The following FREM1 variants were observed in gnomAD, a reference collection of about 807,000 sequenced individuals.
The protein encoded by FREM1 is FRAS1 related extracellular matrix 1.
A neutral mutation model predicts 210.1 loss-of-function variants in FREM1; 220 were observed. The observed-to-expected ratio is 1.05, with a 90% CI of 0.94 to 1.17. FREM1 has a LOEUF of 1.17. FREM1 is among the 50% of genes most tolerant of loss of function. FREM1 has a pLI of 0.00. For synonymous variants in FREM1, 1,189 were observed against 980.2 expected (o/e 1.21, Z -3.98); for missense variants, 3,454 against 2,675.5 (o/e 1.29, Z -6.42).
chr9:14,838,230 C>T (rs968744541), intron 10 of FREM1, among the ~76,000 whole-genome samples: 5 of 152,116 alleles, frequency 3.3e-5, no homozygotes, highest in Admixed American at 6.5e-5. Flanking sequence ...TCCATTACAA[C>T]GTCAAAATAA....
intron 35 of FREM1, among the ~76,000 whole-genome samples, chr9:14,743,555 CT>C (rs1841921425): frequency 6.6e-6 from 1 of 152,158 alleles, no homozygotes; most frequent in South Asian, 2.1e-4. Flanking sequence ...TTTCTCAATA[CT>C]TACTGTCCTT....
intron 1 of FREM1, among the ~76,000 whole-genome samples, chr9:14,880,711 C>T (rs1834645307): frequency 6.6e-6 from 1 of 151,614 alleles, no homozygotes; most frequent in African/African-American, 2.4e-5. Flanking sequence ...TGTTTAAAGG[C>T]TTTTTAAATA....
chr9:14,861,575 C>T (rs1208808943), intron 3 of FREM1, among the ~76,000 whole-genome samples: 4 of 143,974 alleles, frequency 2.8e-5, no homozygotes, highest in South Asian at 2.1e-4. Flanking sequence ...GCTGTAATCT[C>T]GGCTCACCGC....
intron 1 of FREM1, among the ~76,000 whole-genome samples, chr9:14,877,359 T>C (rs982700287): frequency 6.6e-5 from 10 of 151,720 alleles, no homozygotes; most frequent in Non-Finnish European, 1.2e-4. Flanking sequence ...CAGTCTTCCT[T>C]ACCTTAATTA....
At chr9:14,809,483 C>G (rs986567130) in intron 16 of FREM1, among the ~76,000 whole-genome samples, 1 of 151,992 alleles carries the variant, frequency 6.6e-6, no homozygotes, top group Non-Finnish European at 1.5e-5. Flanking sequence ...CAAGGAAAAT[C>G]TAGAGATTAT....
chr9:14,807,451 A>G (rs1818578321), intron 17 of FREM1, among the ~76,000 whole-genome samples: 1 of 152,200 alleles, frequency 6.6e-6, no homozygotes, highest in African/African-American at 2.4e-5. Context: ...TCTGAGAGAC[A>G]GAACATATAC....
At chr9:14,810,671 T>C (rs1819238823) in intron 16 of FREM1, among the ~76,000 whole-genome samples, 1 of 152,210 alleles carries the variant, frequency 6.6e-6, no homozygotes, top group Admixed American at 6.5e-5. Flanking sequence ...AACATCTTTA[T>C]AATAACTTTC....
At chr9:14,842,922 G>A (rs1408908623) in intron 8 of FREM1, among the ~76,000 whole-genome samples, 2 of 152,190 alleles carry the variant, frequency 1.3e-5, no homozygotes, top group Non-Finnish European at 2.9e-5. Context: ...TAATACTACT[G>A]TGATGGTTTT....
At chr9:14,769,406 G>A (rs943880990) in intron 27 of FREM1, among the ~76,000 whole-genome samples, 21 of 152,158 alleles carry the variant, frequency 1.4e-4, no homozygotes, top group Non-Finnish European at 5.9e-5. Context: ...ACATGAACCT[G>A]CAAACTCAGT....
rs759962826 is a variant in FREM1, at chr9:14,750,181, C to T, written c.5503G>A (p.Ala1835Thr). ...FEVILNSPVN[A>T]VLGTKTKAAV... ...GCTTTTGTCTTTGTGCCAAGAACTG[C>T]ATTCACAGGGGAGTTCAGAATTACT... The change falls in exon 30 of 37, where the codon GCA (alanine) becomes ACA (threonine). Residue 1835 changes from alanine (A) to threonine (T), a missense_variant. Transcript: ENST00000380880. 5.0e-6 allele frequency: 8 copies of T among 1,613,692 alleles called. No homozygotes were observed. In the African/African-American group the frequency reaches 8.0e-5, roughly 16 times the overall value.
At chr9:14,767,904 C>T (rs773608055) in intron 27 of FREM1, among the ~76,000 whole-genome samples, 1 of 152,064 alleles carries the variant, frequency 6.6e-6, no homozygotes, top group Non-Finnish European at 1.5e-5. Flanking sequence ...GAACAAATTA[C>T]GTCAAGTTGA....
Position 14,769,822 on chromosome 9 carries a change from C to A in FREM1, c.5106G>T (p.Lys1702Asn). The A allele has an allele frequency of 3.1e-6, 5 of 1,603,564 alleles. No homozygotes were observed. Among genetic ancestry groups the A allele is most frequent in the Non-Finnish European group, 4.3e-6 (5 of 1,173,612 alleles). ...EKFSQKDLNS[K>N]TILYIINPSL... Reference sequence around the variant, plus strand: ...ATGGGTTTATGATGTAAAGAATAGTCTTACTGTTTAAGTCCTTTTGGCTAA... The same window carrying A: ...ATGGGTTTATGATGTAAAGAATAGTATTACTGTTTAAGTCCTTTTGGCTAA... The change falls in exon 27 of 37, where the codon AAG (lysine) becomes AAT (asparagine). Residue 1702 changes from lysine (K) to asparagine (N), a missense_variant. Coordinates refer to ENST00000380880, the MANE Select transcript of FREM1 (RefSeq NM_001379081.2).
intron 2 of FREM1, among the ~76,000 whole-genome samples, chr9:14,864,271 G>A (rs937260551): frequency 1.3e-5 from 2 of 152,338 alleles, no homozygotes; most frequent in South Asian, 4.2e-4. Context: ...AATTGAGTTA[G>A]AGAGTTCTTT....
chr9:14,788,872 C>G (rs1587981349), intron 23 of FREM1, 47 bp downstream of exon 23: 4 of 1,462,072 alleles, frequency 2.7e-6, no homozygotes, highest in Non-Finnish European at 3.8e-6. Context: ...ATACTTATAC[C>G]AGTTAGCAAA....
intron 1 of FREM1, among the ~76,000 whole-genome samples, chr9:14,884,569 T>C (rs1835428485): frequency 6.6e-6 from 1 of 152,204 alleles, no homozygotes; most frequent in African/African-American, 2.4e-5. Flanking sequence ...GAAAATAATT[T>C]AGTAACATAA....
intron 10 of FREM1, among the ~76,000 whole-genome samples, chr9:14,828,642 G>GT (rs1822942639): frequency 5.3e-5 from 5 of 94,878 alleles, no homozygotes; most frequent in East Asian, 3.1e-4. Context: ...TTGTGGCGGG[G>GT]CGGGGGAGGT....
intron 1 of FREM1, among the ~76,000 whole-genome samples, chr9:14,899,707 A>G (rs1397180475): frequency 6.6e-6 from 1 of 152,210 alleles, no homozygotes; most frequent in African/African-American, 2.4e-5. Flanking sequence ...TATATTCAAA[A>G]TATTGGTTTG....
intron 25 of FREM1, among the ~76,000 whole-genome samples, chr9:14,773,410 C>T (rs185388750): frequency 1.3e-5 from 2 of 152,248 alleles, no homozygotes; most frequent in Admixed American, 6.5e-5. Flanking sequence ...TATCACTCAA[C>T]GGTGATCAAC....
Position 14,755,719 on chromosome 9 carries a change from G to A in FREM1, c.5407+655C>T, listed in dbSNP as rs76520204. 7.1e-3 allele frequency among the ~76,000 whole-genome samples: 1,082 copies of A among 152,272 alleles called. 16 individuals carry two copies. Among genetic ancestry groups the A allele is most frequent in the African/African-American group, 0.025 (1,021 of 41,548 alleles). On this transcript the variant is annotated intron_variant, in intron 29 of 36. Coordinates refer to ENST00000380880, the MANE Select transcript of FREM1 (RefSeq NM_001379081.2). ...AAATGCTAAAATACTGCCTCCCGTG[G>A]GAAGTCTTCCAAGATTTCTCTTAGC...
Sources: gnomAD v4.1 joint callset for allele counts (sites outside exome capture counted in the v4.1 genomes callset) on GRCh38, gnomAD v4.1.1 for gene constraint, MANE v1.5 for transcripts, NCBI Gene and HGNC (gene_info 2026-07-23, HGNC 2026-07-21) for gene names.